The following WDHD1 variants were observed in gnomAD, a reference collection of about 807,000 sequenced individuals.
The protein encoded by WDHD1 is WD repeat and HMG-box DNA-binding protein 1.
WDHD1 carries 111 observed loss-of-function variants against 135.4 expected under a neutral mutation model. The observed-to-expected ratio is 0.82, with a 90% CI of 0.70 to 0.96. WDHD1 has a LOEUF of 0.96. Ranked by LOEUF, WDHD1 falls within the 40% of genes least tolerant of loss-of-function variation. The pLI is 0.00. For missense variants in WDHD1, 1,351 were observed against 1,336.3 expected (o/e 1.01, Z -0.17); for synonymous variants, 434 against 439.0 (o/e 0.99, Z 0.14).
intron 24 of WDHD1, 145 bp from the exon 25 acceptor site, chr14:54,944,615 A>AATT: frequency 1.9e-6 from 1 of 534,638 alleles, no homozygotes; most frequent in South Asian, 4.9e-5. Flanking sequence ...AATTCATGTT[A>AATT]CTTTTTTTTT....
intron 25 of WDHD1, among the ~76,000 whole-genome samples, chr14:54,942,252 AAAT>A (rs1238348256): frequency 7.6e-5 from 4 of 52,486 alleles, no homozygotes; most frequent in African/African-American, 3.1e-4. Context: ...CCGTCTCAAA[AAAT>A]AAATAAATAA....
intron 13 of WDHD1, 71 bp from the exon 14 acceptor site, chr14:54,987,458 TCATG>T (rs1301221914): frequency 1.7e-5 from 20 of 1,153,424 alleles, no homozygotes; most frequent in South Asian, 6.2e-5. Context: ...ATATAAGCAA[TCATG>T]ATATTCAACA....
At chr14:55,007,147 G>T (rs753714902) in intron 7 of WDHD1, 133 bp downstream of exon 7, 26 of 648,322 alleles carry the variant, frequency 4.0e-5, no homozygotes, top group Non-Finnish European at 6.3e-5. Context: ...AGAATTGCTA[G>T]AACCTGGGAG....
At position 54,984,770 on chromosome 14, in the gene WDHD1, G is replaced by C; in HGVS notation, c.1859C>G (p.Pro620Arg). 1 of 1,613,804 alleles carries C rather than the reference G, an allele frequency of 6.2e-7. No homozygotes were observed. The highest frequency in any genetic ancestry group is 8.5e-7 in the Non-Finnish European group (1 of 1,179,896). ...TGCAAGGTAGGATTTCCTTGTAAGA[G>C]GAAGAGGGTCACCATGCAAAATTTG... ...KKQILHGDPL[P>R]LTRKSYLAWI... Residue 620 changes from proline to arginine, a missense_variant, in exon 15 of 26, where the codon CCT (proline) becomes CGT (arginine). Transcript: ENST00000360586.
intron 18 of WDHD1, among the ~76,000 whole-genome samples, chr14:54,963,523 G>C (rs1215666529): frequency 6.6e-6 from 1 of 152,122 alleles, no homozygotes; most frequent in African/African-American, 2.4e-5. Flanking sequence ...TCAAGGGGGA[G>C]GCTGGGCACG....
chr14:54,987,506 T>C (rs2041713600), intron 13 of WDHD1, 119 bp from the exon 14 acceptor site: 5 of 810,638 alleles, frequency 6.2e-6, no homozygotes, highest in Non-Finnish European at 8.8e-6. Context: ...TATTATACAC[T>C]AGTATAAGAA....
chr14:55,004,474 A>ATAGAGTCTCGCTCTATCACCTGAGC (rs1263643155), intron 7 of WDHD1, among the ~76,000 whole-genome samples: 2 of 151,438 alleles, frequency 1.3e-5, no homozygotes, highest in African/African-American at 4.9e-5. Context: ...TTTTTTTGAG[A>ATAGAGTCTCGCTCTATCACCTGAGC]TAGAGTCTCG....
chr14:55,008,569 T>C (rs774690721), intron 5 of WDHD1, 39 bp downstream of exon 5: 19 of 1,545,414 alleles, frequency 1.2e-5, no homozygotes, highest in African/African-American at 7.0e-5. Context: ...TTTAAACATA[T>C]TCAGGAAAAA....
chr14:54,991,511 T>A, intron 11 of WDHD1, 111 bp from the exon 12 acceptor site: 1 of 1,035,848 alleles, frequency 9.7e-7, no homozygotes, highest in Non-Finnish European at 1.4e-6. Flanking sequence ...GACACTGACA[T>A]GCTATTTGCC....
At chr14:55,011,294 C>T (rs1462320478) in intron 3 of WDHD1, among the ~76,000 whole-genome samples, 1 of 152,026 alleles carries the variant, frequency 6.6e-6, no homozygotes, top group Non-Finnish European at 1.5e-5. Context: ...CTTTGGGAGG[C>T]CAAGGCGGGT....
chr14:55,012,216 C>T (rs779543600), intron 3 of WDHD1, among the ~76,000 whole-genome samples: 22 of 152,078 alleles, frequency 1.4e-4, no homozygotes, highest in African/African-American at 3.9e-4. Context: ...CTTCTGGGAA[C>T]GCATTTTCTA....
chr14:54,970,168 T>C (rs954604559), intron 16 of WDHD1, among the ~76,000 whole-genome samples: 1 of 152,194 alleles, frequency 6.6e-6, no homozygotes, highest in African/African-American at 2.4e-5. Flanking sequence ...TTTTCACTCA[T>C]ATTTAACAGA....
chr14:54,980,821 A>AAAAAAAAAAAAAAAAAAC (rs1566724218), intron 16 of WDHD1, among the ~76,000 whole-genome samples: 1 of 148,624 alleles, frequency 6.7e-6, no homozygotes, highest in Non-Finnish European at 1.5e-5. Flanking sequence ...AAAAAAAAAA[A>AAAAAAAAAAAAAAAAAAC]AAAACTCAGC....
At chr14:54,951,859 C>A (rs781073588) in intron 24 of WDHD1, among the ~76,000 whole-genome samples, 1 of 152,156 alleles carries the variant, frequency 6.6e-6, no homozygotes, top group Non-Finnish European at 1.5e-5. Flanking sequence ...TAAACGTAAT[C>A]CAGCATATAA....
Position 54,962,737 on chromosome 14 carries a change from C to G in WDHD1, c.2647+1G>C. The G allele has an allele frequency of 6.2e-7, 1 of 1,613,672 alleles. No homozygotes were observed. Among genetic ancestry groups the G allele is most frequent in the African/African-American group, 1.3e-5 (1 of 75,022 alleles). Reference sequence around the variant, plus strand: ...TTTATGGGCTTGAAAATGTATCTCACCAGGCTTATGTATTTCTGGTTTTTC... The same window carrying G: ...TTTATGGGCTTGAAAATGTATCTCAGCAGGCTTATGTATTTCTGGTTTTTC... On this transcript the variant is annotated splice_donor_variant, in intron 20 of 25. Transcript: ENST00000360586. LOFTEE classifies it high-confidence loss of function.
intron 9 of WDHD1, 106 bp from the exon 10 acceptor site, chr14:55,000,750 A>AATTTATATT: frequency 1.9e-6 from 2 of 1,072,134 alleles, no homozygotes; most frequent in Non-Finnish European, 2.4e-6. Context: ...TTTTGACAAT[A>AATTTATATT]ATTTATAAAT....
At chr14:55,005,642 A>G in intron 7 of WDHD1, 2 of 585,688 alleles carry the variant, frequency 3.4e-6, no homozygotes, top group Non-Finnish European at 6.5e-6. Context: ...AAGGAACTTA[A>G]GGACATCCTC....
At chr14:54,955,741 A>G (rs79058386) in intron 23 of WDHD1, 47 bp from the exon 24 acceptor site, 34 of 1,378,044 alleles carry the variant, frequency 2.5e-5, no homozygotes, top group Admixed American at 2.9e-5. Context: ...GTATAATTTT[A>G]TATGTTTTAT....
Position 55,007,373 on chromosome 14 carries a change from T to A in WDHD1, c.507A>T (p.Thr169=). The change falls in exon 7 of 26, where the codon ACA becomes ACT. Residue 169 remains threonine (T), a splice_region_variant and synonymous_variant. Transcript: ENST00000360586. ...GTAGCAGTGGCCAACTAATAGCACA[T>A]GTCTAATTGGTAAAAAAAGAAAATT... ...SVRVWQISDQ[T]CAISWPLLQK... 1 of 1,579,256 alleles carries A rather than the reference T, an allele frequency of 6.3e-7. No individual in the cohort carries two copies. The highest frequency in any genetic ancestry group is 1.4e-5 in the African/African-American group (1 of 73,228).
Sources: allele counts gnomAD v4.1 joint callset (sites outside exome capture counted in the v4.1 genomes callset), GRCh38; gene constraint gnomAD v4.1.1; transcripts MANE v1.5; gene names NCBI Gene and HGNC (gene_info 2026-07-23, HGNC 2026-07-21).